The following LIPI variants were observed in gnomAD, a reference collection of about 807,000 sequenced individuals.
The protein encoded by LIPI is lipase I.
Under a neutral mutation model 50.6 loss-of-function variants are expected in LIPI, and 59 were observed. The observed-to-expected ratio is 1.16, with a 90% CI of 0.94 to 1.45. The LOEUF (loss-of-function observed/expected upper bound fraction) is 1.45. Among genes scored for constraint, LIPI ranks in the 40% most tolerant of loss-of-function variants. The probability of loss-of-function intolerance (pLI) is 0.00; values close to 1 mark genes in which losing one functional copy is unlikely to be tolerated. For missense variants in LIPI, 586 were observed against 536.3 expected (o/e 1.09, Z -0.92); for synonymous variants, 203 against 178.2 (o/e 1.14, Z -1.11).
chr21:14,165,472 G>A (rs1393607911), intron 5 of LIPI, 82 bp from the exon 6 acceptor site: 1 of 1,032,782 alleles, frequency 9.7e-7, no homozygotes, highest in Admixed American at 2.0e-5. Flanking sequence ...TAAAGATGAA[G>A]TTTTGCTAAA....
intron 2 of LIPI, 67 bp downstream of exon 2, chr21:14,188,967 C>T: frequency 7.9e-7 from 1 of 1,270,174 alleles, no homozygotes. Context: ...ATGTAACACA[C>T]TGCATATTGT....
At chr21:14,151,590 G>A (rs950788496) in intron 8 of LIPI, among the ~76,000 whole-genome samples, 4 of 151,936 alleles carry the variant, frequency 2.6e-5, no homozygotes, top group African/African-American at 7.3e-5. Context: ...TTTGAAAATC[G>A]TTTCATCATT....
chr21:14,166,605 A>AC (rs2018695362), intron 4 of LIPI, among the ~76,000 whole-genome samples, 154 bp from the exon 5 acceptor site: 1 of 152,272 alleles, frequency 6.6e-6, no homozygotes, highest in East Asian at 1.9e-4. Flanking sequence ...TTTTTCTTCT[A>AC]TAATTCCTTC....
chr21:14,122,891 G>C (rs1285236584), intron 9 of LIPI, among the ~76,000 whole-genome samples: 3 of 152,190 alleles, frequency 2.0e-5, no homozygotes, highest in Non-Finnish European at 4.4e-5. Flanking sequence ...CAATGTCACA[G>C]TTCAGATTTT....
chr21:14,134,009 T>C (rs2017395786), intron 9 of LIPI, among the ~76,000 whole-genome samples: 1 of 152,126 alleles, frequency 6.6e-6, no homozygotes, highest in African/African-American at 2.4e-5. Context: ...GAGGATTGCT[T>C]GAGCTCCAGA....
At chr21:14,159,120 G>A (rs1240907314) in intron 7 of LIPI, among the ~76,000 whole-genome samples, 1 of 151,354 alleles carries the variant, frequency 6.6e-6, no homozygotes, top group African/African-American at 2.4e-5. Flanking sequence ...GGGAAAACTT[G>A]CCCACTTTTT....
At chr21:14,125,026 C>T (rs575672694) in intron 9 of LIPI, among the ~76,000 whole-genome samples, 1 of 152,064 alleles carries the variant, frequency 6.6e-6, no homozygotes, top group South Asian at 2.1e-4. Context: ...GAATTATATA[C>T]CCAGAGAAAT....
intron 1 of LIPI, among the ~76,000 whole-genome samples, chr21:14,196,540 C>T (rs567292185): frequency 1.3e-5 from 2 of 151,984 alleles, no homozygotes; most frequent in African/African-American, 2.4e-5. Flanking sequence ...TTTCAAAACT[C>T]ATTAGGCTTG....
intron 1 of LIPI, among the ~76,000 whole-genome samples, chr21:14,203,575 A>G (rs576686998): frequency 6.6e-4 from 101 of 152,228 alleles, no homozygotes; most frequent in African/African-American, 2.4e-3. Context: ...ACAGCAAACT[A>G]TCACAAGGAC....
At chr21:14,191,000 T>C (rs2019650615) in intron 1 of LIPI, among the ~76,000 whole-genome samples, 1 of 152,128 alleles carries the variant, frequency 6.6e-6, no homozygotes, top group Non-Finnish European at 1.5e-5. Flanking sequence ...TCAACAAATA[T>C]ATCTATTATC....
chr21:14,179,489 C>T (rs1257222232), intron 4 of LIPI, among the ~76,000 whole-genome samples: 1 of 151,992 alleles, frequency 6.6e-6, no homozygotes, highest in African/African-American at 2.4e-5. Flanking sequence ...CAATCCAAGA[C>T]AGTTCATTAG....
chr21:14,161,418 T>C (rs2018458189), intron 7 of LIPI, among the ~76,000 whole-genome samples: 1 of 141,318 alleles, frequency 7.1e-6, no homozygotes, highest in South Asian at 2.1e-4. Context: ...ATATTATATA[T>C]ACATGAGTAT....
intron 9 of LIPI, among the ~76,000 whole-genome samples, chr21:14,142,738 C>T (rs2017759559): frequency 6.6e-6 from 1 of 151,708 alleles, no homozygotes; most frequent in African/African-American, 2.4e-5. Context: ...CCCGACTTGG[C>T]CTCTGAAAAT....
chr21:14,144,364 CT>C (rs924807917), intron 9 of LIPI: 37 of 286,824 alleles, frequency 1.3e-4, no homozygotes, highest in East Asian at 2.6e-4. Flanking sequence ...ATTGGTGTTA[CT>C]TTTTTTTATC....
intron 9 of LIPI, among the ~76,000 whole-genome samples, chr21:14,140,523 A>G (rs1477897433): frequency 1.3e-5 from 2 of 151,936 alleles, no homozygotes; most frequent in African/African-American, 4.8e-5. Context: ...CAACCGTAAT[A>G]TTTTTCTTTC....
intron 9 of LIPI, among the ~76,000 whole-genome samples, chr21:14,139,776 G>A (rs2123038970): frequency 6.6e-6 from 1 of 152,248 alleles, no homozygotes; most frequent in South Asian, 2.1e-4. Flanking sequence ...AAGCTTGGAG[G>A]TGAGAAAGTT....
At chr21:14,135,497 G>A (rs2017459816) in intron 9 of LIPI, among the ~76,000 whole-genome samples, 1 of 152,128 alleles carries the variant, frequency 6.6e-6, no homozygotes, top group African/African-American at 2.4e-5. Flanking sequence ...CTGGGTGCTA[G>A]GGGAAGGAGA....
At chr21:14,136,829 G>T (rs2017517020) in intron 9 of LIPI, among the ~76,000 whole-genome samples, 1 of 152,180 alleles carries the variant, frequency 6.6e-6, no homozygotes, top group Non-Finnish European at 1.5e-5. Context: ...CCACAGGTGT[G>T]CTTGTGTCAC....
At chr21:14,138,043 C>T (rs1221822752) in intron 9 of LIPI, among the ~76,000 whole-genome samples, 2 of 152,194 alleles carry the variant, frequency 1.3e-5, no homozygotes, top group East Asian at 3.9e-4. Flanking sequence ...GAAATAAAGA[C>T]TTTCCCAGAA....
Sources: gnomAD v4.1 joint callset for allele counts (sites outside exome capture counted in the v4.1 genomes callset) on GRCh38, gnomAD v4.1.1 for gene constraint, MANE v1.5 for transcripts, NCBI Gene and HGNC (gene_info 2026-07-23, HGNC 2026-07-21) for gene names.